DMXL1: variants seen among roughly 807,000 people sequenced by gnomAD.
DMXL1 encodes the protein dmX-like protein 1.
In DMXL1, 99 loss-of-function variants were observed where a neutral mutation model predicts 319.2. The ratio of observed to expected loss-of-function variants is 0.31; its 90% CI spans 0.26 to 0.37. The LOEUF (loss-of-function observed/expected upper bound fraction) is 0.37. Among genes scored for constraint, DMXL1 ranks in the 10% least tolerant of loss-of-function variants. The probability of loss-of-function intolerance (pLI) is 1.00; values close to 1 mark genes in which losing one functional copy is unlikely to be tolerated. For synonymous variants in DMXL1, 1,385 were observed against 1,235.2 expected (o/e 1.12, Z -2.54); for missense variants, 3,745 against 3,595.6 (o/e 1.04, Z -1.06).
chr5:119,193,630 A>AT (rs1408472401), intron 29 of DMXL1, among the ~76,000 whole-genome samples, 198 bp from the exon 30 acceptor site: 2 of 152,304 alleles, frequency 1.3e-5, no homozygotes, highest in East Asian at 3.9e-4. Context: ...GATACTTAAT[A>AT]AATTTTTGCT....
At chr5:119,168,247 T>C (rs964025317) in intron 23 of DMXL1, among the ~76,000 whole-genome samples, 4 of 152,154 alleles carry the variant, frequency 2.6e-5, no homozygotes, top group Non-Finnish European at 5.9e-5. Flanking sequence ...TTGACTTAAG[T>C]GATGTGATAA....
intron 21 of DMXL1, among the ~76,000 whole-genome samples, chr5:119,166,412 A>G (rs1773453860): frequency 6.6e-6 from 1 of 152,192 alleles, no homozygotes; most frequent in Admixed American, 6.5e-5. Context: ...ATTTAGAAAG[A>G]AAAATTTTTT....
In DMXL1 at chr5:119,133,221, T is replaced by A. The variant is rs770316198; in HGVS notation, c.1405T>A (p.Ser469Thr). 6.2e-7 allele frequency: 1 copy of A among 1,614,204 alleles called. No individual in the cohort carries two copies. The highest frequency in any genetic ancestry group is 8.5e-7 in the Non-Finnish European group (1 of 1,180,026). The change falls in exon 11 of 44, where the codon TCA becomes ACA. Residue 469 changes from serine (S) to threonine (T), a missense_variant. Around this residue, in one of 4 missense-constraint regions of DMXL1, gnomAD observed 2,096 missense variants for 1,985.4 expected, o/e 1.06. Transcript: ENST00000539542. ...AATGGTACCAAACTCAAGTTTTACATCATTATCGTCAGCTGCCATTGATCA... is the reference window on the plus strand; with the variant it reads ...AATGGTACCAAACTCAAGTTTTACAACATTATCGTCAGCTGCCATTGATCA... ...DKMVPNSSFT[S>T]LSSAAIDHQI...
At chr5:119,217,169 T>C (rs1429932408) in intron 35 of DMXL1, among the ~76,000 whole-genome samples, 182 bp downstream of exon 35, 1 of 152,176 alleles carries the variant, frequency 6.6e-6, no homozygotes, top group Non-Finnish European at 1.5e-5. Flanking sequence ...TGTTATTATA[T>C]GATTTTGGAG....
At chr5:119,115,531 G>T (rs1266264631) in intron 6 of DMXL1, among the ~76,000 whole-genome samples, 1 of 152,122 alleles carries the variant, frequency 6.6e-6, no homozygotes, top group Non-Finnish European at 1.5e-5. Flanking sequence ...CCACAGTAAG[G>T]TTTTTGTTTT....
At position 119,220,536 on chromosome 5, in the gene DMXL1, T is replaced by G; in HGVS notation, c.8078T>G (p.Ile2693Ser). The G allele has an allele frequency of 6.2e-7, 1 of 1,613,916 alleles. No individual in the cohort carries two copies. The highest frequency in any genetic ancestry group is 8.5e-7 in the Non-Finnish European group (1 of 1,179,874). The part of the protein sequence containing the change: ...HDVQELDVSG[I>S]LATQVYTWVD... ...GTTCAAGAACTGGATGTTTCTGGAA[T>G]TCTGGCCACACAGGTCTACACTTGG... Residue 2693 changes from isoleucine (I) to serine (S), a missense_variant, in exon 36 of 44, where the codon ATT (isoleucine) becomes AGT (serine). Physicochemically the swap from Ile to Ser is moderately radical, Grantham distance 142 (BLOSUM62 -2). Transcript: ENST00000539542.
intron 9 of DMXL1, chr5:119,127,879 G>T: frequency 2.9e-6 from 1 of 346,006 alleles, no homozygotes; most frequent in South Asian, 2.6e-5. Flanking sequence ...TGTCTGCTTT[G>T]GCAATAAGTG....
rs1163769405 is a variant in DMXL1 at position 119,170,821 on chromosome 5, A to G, written c.6030A>G (p.Thr2010=). The part of the protein sequence containing the change: ...ISSNYTESFS[T]LDENDLLNPS... ...CTAACTACACAGAATCTTTCAGCAC[A>G]CTAGATGAAAATGACCTTTTAAATC... The change falls in exon 24 of 44, where the codon ACA becomes ACG. Residue 2010 remains threonine, a synonymous_variant. Coordinates refer to ENST00000539542, the MANE Select transcript of DMXL1 (RefSeq NM_001290321.3). 1.9e-6 allele frequency: 3 copies of G among 1,611,844 alleles called. No homozygotes were observed. Among genetic ancestry groups the G allele is most frequent in the Non-Finnish European group, 1.7e-6 (2 of 1,179,522 alleles).
Position 119,237,511 on chromosome 5 carries a change from T to C in DMXL1, c.8559+97T>C, listed in dbSNP as rs1787976292. On this transcript the variant is annotated intron_variant, in intron 40 of 43. Transcript: ENST00000539542. ...AGACAAGAAATATAGAACTAATAAA[T>C]AAAATATAGTCCTGTGTTCTCAGTC... is the stretch of plus-strand genomic sequence containing the variant. 5.6e-6 allele frequency: 4 copies of C among 720,026 alleles called. No homozygotes were observed. In the East Asian group the frequency reaches 1.1e-4, roughly 20 times the overall value. The allele number at this position is 720,026 out of a possible 1,614,324, so 44.6% of individuals were successfully genotyped here.
chr5:119,202,887 A>ATATATATATATT (rs1157206918), intron 32 of DMXL1, among the ~76,000 whole-genome samples: 39 of 111,632 alleles, frequency 3.5e-4, no homozygotes, highest in African/African-American at 1.3e-3. Flanking sequence ...ATATATTTTT[A>ATATATATATATT]TATATATATA....
chr5:119,182,153 A>C (rs1241849289), intron 28 of DMXL1, among the ~76,000 whole-genome samples: 2 of 152,214 alleles, frequency 1.3e-5, no homozygotes. Flanking sequence ...AATTGCATTA[A>C]GTAATGTTCA....
intron 19 of DMXL1, among the ~76,000 whole-genome samples, chr5:119,156,540 AAACTT>A (rs1166651431): frequency 6.6e-6 from 1 of 152,236 alleles, no homozygotes; most frequent in Non-Finnish European, 1.5e-5. Flanking sequence ...ATTGTGAAGA[AAACTT>A]CACTTAACAT....
At chr5:119,236,629 G>A (rs1350801346) in intron 39 of DMXL1, 6 of 151,934 alleles carry the variant, frequency 3.9e-5, no homozygotes. Flanking sequence ...AATACTCATA[G>A]AAACAAATCT....
intron 37 of DMXL1, among the ~76,000 whole-genome samples, chr5:119,221,476 C>G (rs975487189): frequency 6.6e-6 from 1 of 151,940 alleles, no homozygotes; most frequent in Non-Finnish European, 1.5e-5. Context: ...GTTGAAAAAA[C>G]AAACATAGTA....
At chr5:119,246,964 T>G (rs757174718) in intron 43 of DMXL1, 31 bp from the exon 44 acceptor site, 1 of 1,524,250 alleles carries the variant, frequency 6.6e-7, no homozygotes, top group South Asian at 1.2e-5. Flanking sequence ...TCATCAACCC[T>G]AATTTTCCGT....
At position 119,133,624 on chromosome 5, in the gene DMXL1, C is replaced by T. The variant is rs777299421; in HGVS notation, c.1700C>T (p.Ser567Phe). The stretch of plus-strand genomic sequence containing the variant: ...ATTCAGCAGGGGAAACAAAAACCTT[C>T]TGGCCTCACCCGTTCCACATCAATG... ...LAIQQGKQKP[S>F]GLTRSTSMLI... The change falls in exon 12 of 44, where the codon TCT becomes TTT. Residue 567 changes from serine (S) to phenylalanine (F), a missense_variant. Transcript: ENST00000539542. 3 of 1,614,198 alleles carry T rather than the reference C, an allele frequency of 1.9e-6. No individual in the cohort carries two copies. Among genetic ancestry groups the T allele is most frequent in the Non-Finnish European group, 2.5e-6 (3 of 1,180,034 alleles).
chr5:119,109,132 G>C (rs1248142828), intron 4 of DMXL1, among the ~76,000 whole-genome samples: 1 of 152,082 alleles, frequency 6.6e-6, no homozygotes, highest in Admixed American at 6.6e-5. Context: ...TAATTAACCA[G>C]GTTTAATAGT....
At position 119,074,611 on chromosome 5, in the gene DMXL1, T is replaced by C. The variant is rs552944313; in HGVS notation, c.87+2955T>C. ...AAATTACCAACGCAGATTAGTCTAT[T>C]TAAGTATTAGATACTTTTTTACTAC... is the stretch of plus-strand genomic sequence containing the variant. On this transcript the variant is annotated intron_variant, in intron 1 of 43. Transcript: ENST00000539542. 1.6e-3 allele frequency among the ~76,000 whole-genome samples: 249 copies of C among 152,382 alleles called. 3 individuals carry two copies. Among genetic ancestry groups the C allele is most frequent in the Non-Finnish European group, 2.0e-3 (138 of 68,046 alleles).
At chr5:119,144,425 A>G in intron 14 of DMXL1, 111 bp from the exon 15 acceptor site, 1 of 785,422 alleles carries the variant, frequency 1.3e-6, no homozygotes, top group Non-Finnish European at 2.1e-6. Flanking sequence ...TGAACTTTTG[A>G]CTTCTTATTC....
Sources: gnomAD v4.1 joint callset for allele counts (sites outside exome capture counted in the v4.1 genomes callset) on GRCh38, gnomAD v4.1.1 for gene constraint, gnomAD v4.1.1 regional missense constraint, MANE v1.5 for transcripts, NCBI Gene and HGNC (gene_info 2026-07-23, HGNC 2026-07-21) for gene names.